Variants in CCSER1 observed in about 807,000 individuals in gnomAD.
The protein encoded by CCSER1 is serine-rich coiled-coil domain-containing protein 1.
In CCSER1, 41 loss-of-function variants were observed where a neutral mutation model predicts 82.0. The ratio of observed to expected loss-of-function variants is 0.50; its 90% confidence interval spans 0.39 to 0.65. CCSER1 has a LOEUF of 0.65. CCSER1 is among the 30% of genes least tolerant of loss of function. The probability of loss-of-function intolerance (pLI) is 0.00; values close to 1 mark genes in which losing one functional copy is unlikely to be tolerated. For synonymous variants in CCSER1, 414 were observed against 383.9 expected, an observed-to-expected ratio of 1.08 and a Z score of -0.92; for missense variants, 1,119 against 1,064.2, an observed-to-expected ratio of 1.05 and a Z score of -0.72.
chr4:90,351,044 C>T (rs1364754276), intron 3 of CCSER1, among the ~76,000 whole-genome samples: 1 of 151,510 alleles, frequency 6.6e-6, no homozygotes, highest in Non-Finnish European at 1.5e-5. Context: ...AGGGCATGTT[C>T]GAAAGGGAAA....
chr4:90,255,368 G>A (rs1226476139), intron 1 of CCSER1, among the ~76,000 whole-genome samples: 1 of 151,872 alleles, frequency 6.6e-6, no homozygotes, highest in African/African-American at 2.4e-5. Flanking sequence ...TTTGATGATT[G>A]GAATGATTAA....
At chr4:90,480,399 C>A (rs375286859) in intron 5 of CCSER1, among the ~76,000 whole-genome samples, 32 of 152,220 alleles carry the variant, frequency 2.1e-4, no homozygotes, top group Middle Eastern at 3.4e-3. Context: ...CCATTTGTCA[C>A]TTTTGGCTTT....
intron 10 of CCSER1, among the ~76,000 whole-genome samples, chr4:91,453,365 T>C (rs1755972617): frequency 1.3e-5 from 2 of 152,018 alleles, no homozygotes; most frequent in Non-Finnish European, 2.9e-5. Context: ...GTATTTTGAA[T>C]TCTCCCGTCA....
intron 5 of CCSER1, among the ~76,000 whole-genome samples, chr4:90,538,761 T>A (rs920761062): frequency 1.3e-5 from 2 of 152,092 alleles, no homozygotes; most frequent in African/African-American, 4.8e-5. Flanking sequence ...AATCTCTAGA[T>A]TGTCTCCACG....
intron 1 of CCSER1, among the ~76,000 whole-genome samples, chr4:90,153,685 T>C (rs910747576): frequency 1.3e-5 from 2 of 152,220 alleles, no homozygotes; most frequent in Admixed American, 1.3e-4. Flanking sequence ...AAATGTCTTC[T>C]TTTGAGAAGT....
chr4:90,501,851 A>AT (rs1235428340), intron 5 of CCSER1, among the ~76,000 whole-genome samples: 4 of 152,088 alleles, frequency 2.6e-5, no homozygotes, highest in African/African-American at 7.2e-5. Flanking sequence ...ATCCAAAATT[A>AT]TTTTTTTAAA....
intron 3 of CCSER1, among the ~76,000 whole-genome samples, chr4:90,355,515 A>G (rs1404770402): frequency 6.6e-6 from 1 of 152,114 alleles, no homozygotes; most frequent in Admixed American, 6.5e-5. Context: ...ATGAGTTACC[A>G]TACCTATTTT....
At chr4:91,170,451 GTTAT>G (rs370459614) in intron 10 of CCSER1, among the ~76,000 whole-genome samples, 212 of 152,208 alleles carry the variant, frequency 1.4e-3, no homozygotes, top group African/African-American at 4.9e-3. Flanking sequence ...ACGTGACTGT[GTTAT>G]TTGTTACTAA....
At chr4:90,686,986 C>T (rs1734920402) in intron 6 of CCSER1, among the ~76,000 whole-genome samples, 1 of 152,098 alleles carries the variant, frequency 6.6e-6, no homozygotes, top group South Asian at 2.1e-4. Context: ...GTGGGGGTCC[C>T]CAAGTGCCAT....
chr4:91,185,351 A>T (rs544652033), intron 10 of CCSER1, among the ~76,000 whole-genome samples: 19 of 152,336 alleles, frequency 1.2e-4, no homozygotes, highest in African/African-American at 4.6e-4. Flanking sequence ...TATAATCTGA[A>T]TCAATGACTC....
intron 1 of CCSER1, among the ~76,000 whole-genome samples, chr4:90,197,718 A>G (rs181409685): frequency 6.6e-5 from 10 of 152,218 alleles, no homozygotes; most frequent in African/African-American, 2.4e-4. Context: ...TATTTGTGGG[A>G]ACTAAAAATC....
Position 90,424,256 on chromosome 4 carries a change from A to G in CCSER1, c.1603+24127A>G, listed in dbSNP as rs547211769. Among the ~76,000 whole-genome samples the G allele has an allele frequency of 2.5e-4, 38 of 152,270 alleles. 1 individual carries two copies. The South Asian group carries it at 7.5e-3, about 30-fold the overall frequency. On this transcript the variant is annotated intron_variant, in intron 4 of 10. Transcript: ENST00000509176. Reference sequence around the variant, plus strand: ...TGTCTTAGTTCCAAAAATATATTTTAGATAAGAAATACAGGAATCTGAAAA... The same window carrying G: ...TGTCTTAGTTCCAAAAATATATTTTGGATAAGAAATACAGGAATCTGAAAA...
intron 10 of CCSER1, among the ~76,000 whole-genome samples, chr4:91,491,680 G>C (rs1022903121): frequency 6.6e-6 from 1 of 151,920 alleles, no homozygotes; most frequent in Non-Finnish European, 1.5e-5. Context: ...GCTTTAAAAA[G>C]TTTAACTAAA....
chr4:91,261,200 G>A (rs1033808662), intron 10 of CCSER1, among the ~76,000 whole-genome samples: 2 of 152,158 alleles, frequency 1.3e-5, no homozygotes, highest in Non-Finnish European at 2.9e-5. Context: ...CCATGGTTGA[G>A]AGCCAGTGTT....
intron 9 of CCSER1, among the ~76,000 whole-genome samples, chr4:90,942,423 C>T (rs1731703292): frequency 1.3e-5 from 2 of 152,088 alleles, no homozygotes; most frequent in African/African-American, 4.8e-5. Flanking sequence ...TCTTGCCTCT[C>T]TTGTGTGAAG....
At chr4:90,648,342 A>AAAGG (rs3042179) in intron 6 of CCSER1, among the ~76,000 whole-genome samples, 3 of 150,976 alleles carry the variant, frequency 2.0e-5, no homozygotes, top group Non-Finnish European at 4.4e-5. Context: ...AGAAAGAAAG[A>AAAGG]GAGTTGCCCT....
chr4:91,132,902 C>A, intron 10 of CCSER1, among the ~76,000 whole-genome samples: 1 of 152,252 alleles, frequency 6.6e-6, no homozygotes, highest in East Asian at 1.9e-4. Context: ...CGTCAACAAG[C>A]AATATGAAAT....
intron 10 of CCSER1, among the ~76,000 whole-genome samples, chr4:91,340,546 A>G (rs946097578): frequency 1.3e-5 from 2 of 152,250 alleles, no homozygotes; most frequent in African/African-American, 4.8e-5. Context: ...AAGTCTTAAT[A>G]GTGTCAGGAA....
rs576377844 is a variant in CCSER1, at chr4:90,228,912, C to G, written c.-41-79332C>G. Among the ~76,000 whole-genome samples, 17 of 152,156 alleles carry G rather than the reference C, an allele frequency of 1.1e-4. No individual in the cohort carries two copies. In the East Asian group the frequency reaches 2.3e-3, roughly 21 times the overall value. ...TGAATGAAATGAAGCAAGAAGGGAA[C>G]TTTAGAGAAAAAAGAATAAAAAGAA... is the stretch of plus-strand genomic sequence containing the variant. On this transcript the variant is annotated intron_variant, in intron 1 of 10. Coordinates refer to ENST00000509176, the MANE Select transcript of CCSER1 (RefSeq NM_001145065.2).
Sources: gnomAD v4.1 joint callset for allele counts (sites outside exome capture counted in the v4.1 genomes callset) on GRCh38, gnomAD v4.1.1 for gene constraint, MANE v1.5 for transcripts, NCBI Gene and HGNC (gene_info 2026-07-23, HGNC 2026-07-21) for gene names.